AGO2: variants seen among roughly 807,000 people sequenced by gnomAD.
The protein encoded by AGO2 is protein argonaute-2.
AGO2 carries 5 observed loss-of-function variants against 102.3 expected under a neutral mutation model. That is an observed-to-expected ratio of 0.05 (90% CI 0.03 to 0.10). AGO2 has a LOEUF of 0.10. Ranked by LOEUF, AGO2 falls within the 10% of genes least tolerant of loss-of-function variation. The pLI, the probability that AGO2 is intolerant of heterozygous loss-of-function variation, is 1.00. For synonymous variants in AGO2, 449 were observed against 473.1 expected (o/e 0.95, Z 0.66); for missense variants, 541 against 1,183.7 (o/e 0.46, Z 7.97).
At chr8:140,613,424 T>C (rs1030944284) in intron 1 of AGO2, among the ~76,000 whole-genome samples, 1 of 152,244 alleles carries the variant, frequency 6.6e-6, no homozygotes, top group Non-Finnish European at 1.5e-5. Flanking sequence ...GTATCAAATG[T>C]TTTTTAAACT....
rs1409885719 is a variant in AGO2, at chr8:140,544,278, T to C, written c.1774A>G (p.Ile592Val). Residue 592 changes from isoleucine to valine, a missense_variant, in exon 14 of 19, where the codon ATC becomes GTC. By Grantham distance (29) the Ile-to-Val change is conservative. Transcript: ENST00000220592. ...TGAGTGACGTCTGCTCCCAGAAAGA[T>C]GACGGGCTGCTGGAACACCGGCGGC... The part of the protein sequence containing the change: ...GRPPVFQQPV[I>V]FLGADVTHPP... 1 of 1,603,658 alleles carries C rather than the reference T, an allele frequency of 6.2e-7. No individual in the cohort carries two copies.
At chr8:140,571,723 T>C (rs888429875) in intron 3 of AGO2, among the ~76,000 whole-genome samples, 1 of 152,220 alleles carries the variant, frequency 6.6e-6, no homozygotes, top group East Asian at 1.9e-4. Flanking sequence ...CTGATGTGTT[T>C]GCTTCTTAAA....
chr8:140,616,316 G>A (rs2074142237), intron 1 of AGO2, among the ~76,000 whole-genome samples: 1 of 152,188 alleles, frequency 6.6e-6, no homozygotes, highest in South Asian at 2.1e-4. Context: ...AGCCATTATC[G>A]CAACAGCGAG....
At chr8:140,598,902 C>T (rs534140511) in intron 1 of AGO2, among the ~76,000 whole-genome samples, 306 of 152,334 alleles carry the variant, frequency 2.0e-3, no homozygotes, top group Non-Finnish European at 3.6e-3. Context: ...CCTCCCCATG[C>T]GTTTTCCTGC....
At chr8:140,571,750 T>C (rs1037494024) in intron 3 of AGO2, among the ~76,000 whole-genome samples, 1 of 152,204 alleles carries the variant, frequency 6.6e-6, no homozygotes, top group Non-Finnish European at 1.5e-5. Flanking sequence ...GTAAAGATTA[T>C]TTTTTATTTT....
chr8:140,638,456 GTCCCAAACCCATT>G (rs1323896525), upstream of AGO2, among the ~76,000 whole-genome samples: 9 of 152,240 alleles, frequency 5.9e-5, no homozygotes, highest in Non-Finnish European at 8.8e-5. Flanking sequence ...TATGCAACCT[GTCCCAAACCCATT>G]TAGCCACAGA....
rs527895915 is a variant in AGO2, at chr8:140,539,966, C to T, written c.2035-512G>A. 3.3e-5 allele frequency among the ~76,000 whole-genome samples: 5 copies of T among 152,150 alleles called. No homozygotes were observed. The highest frequency in any genetic ancestry group is 2.0e-4 in the Admixed American group (3 of 15,280). On this transcript the variant is annotated intron_variant, in intron 15 of 18. Coordinates refer to ENST00000220592, the MANE Select transcript of AGO2 (RefSeq NM_012154.5). The surrounding 1 kb of genome is among the most constrained non-coding windows in gnomAD (Gnocchi z 4.7). ...ACTGGGCGTGGTGGTGGGCACCTGTCGTAATCCCAGCTACTCCGGAGGCAG... is the reference window on the plus strand; with the variant it reads ...ACTGGGCGTGGTGGTGGGCACCTGTTGTAATCCCAGCTACTCCGGAGGCAG...
chr8:140,618,278 C>A (rs1403201952), intron 1 of AGO2, among the ~76,000 whole-genome samples: 1 of 151,750 alleles, frequency 6.6e-6, no homozygotes, highest in Non-Finnish European at 1.5e-5. Context: ...CGAGATCGTG[C>A]CACTGCACTC....
At chr8:140,619,819 G>T (rs1177366160) in intron 1 of AGO2, among the ~76,000 whole-genome samples, 1 of 152,214 alleles carries the variant, frequency 6.6e-6, no homozygotes, top group Non-Finnish European at 1.5e-5. Context: ...AGCAATGGGG[G>T]AGGCGAGAAA....
intron 1 of AGO2, among the ~76,000 whole-genome samples, chr8:140,624,114 AACAG>A (rs1478614111): frequency 6.6e-6 from 1 of 152,024 alleles, no homozygotes; most frequent in Non-Finnish European, 1.5e-5. Context: ...GCTTGTCCAT[AACAG>A]ACACTCACAC....
chr8:140,530,606 G>A lies in AGO2; in HGVS notation c.*1438C>T, dbSNP rs2072576039. 2.0e-5 allele frequency: 3 copies of A among 152,298 alleles called. No individual in the cohort carries two copies. The highest frequency in any genetic ancestry group is 6.5e-5 in the Admixed American group (1 of 15,288). The allele number at this position is 152,298 out of a possible 1,614,324, so 9.4% of individuals were successfully genotyped here. A position where few individuals can be genotyped will look rare whatever the true frequency, so the allele number is the denominator to read the frequency against. The stretch of plus-strand genomic sequence containing the variant: ...GTCACTCTTAGTGCAACAGTTTCTA[G>A]ATTGGCAAACCCAAGTCTGGGGCCC... On this transcript the variant is annotated 3_prime_UTR_variant, in exon 19 of 19. Transcript: ENST00000220592.
chr8:140,627,080 A>G (rs1588518235), intron 1 of AGO2, among the ~76,000 whole-genome samples: 2 of 152,320 alleles, frequency 1.3e-5, no homozygotes, highest in South Asian at 4.1e-4. Flanking sequence ...ACCCCAAAGC[A>G]GGGGCTAAAG....
In AGO2 at chr8:140,539,340, A is replaced by C; in HGVS notation, c.2149T>G (p.Cys717Gly). The C allele has an allele frequency of 6.2e-7, 1 of 1,612,716 alleles. No individual in the cohort carries two copies. The highest frequency in any genetic ancestry group is 8.5e-7 in the Non-Finnish European group (1 of 1,179,268). ...CTCACCCGCTCGTTCTTGTCAGTGC[A>C]GAAGAGCCGGGTGTGGTGCCTCTTC... ...VQKRHHTRLF[C>G]TDKNERVGKS... The change falls in exon 16 of 19, where the codon TGC (cysteine) becomes GGC (glycine). Residue 717 changes from cysteine (C) to glycine (G), a missense_variant. Transcript: ENST00000220592. This position sits in a 1 kb window ranked among gnomAD's most constrained non-coding sequence, Gnocchi z 4.7.
intron 2 of AGO2, among the ~76,000 whole-genome samples, chr8:140,573,925 T>A (rs1464418023): frequency 6.6e-6 from 1 of 152,204 alleles, no homozygotes; most frequent in Non-Finnish European, 1.5e-5. Context: ...TCCCGGGTGC[T>A]GCTACCCCTC....
chr8:140,559,262 T>A, intron 6 of AGO2, 133 bp downstream of exon 6: 5 of 1,144,672 alleles, frequency 4.4e-6, no homozygotes, highest in Middle Eastern at 2.9e-4. Context: ...TGCTACCTCA[T>A]CTGATGGCTA....
rs2072605897 is a variant in AGO2, at chr8:140,532,028, TA to T, written c.*15del. ...TGAATCCCACTCGGTACACAATCGC[TA>T]AACACTAAAACATGTCAAGCAAAGT... is the stretch of plus-strand genomic sequence containing the variant. On this transcript the variant is annotated 3_prime_UTR_variant, in exon 19 of 19. Transcript: ENST00000220592. The T allele has an allele frequency of 6.2e-7, 1 of 1,612,420 alleles. No individual in the cohort carries two copies. The highest frequency in any genetic ancestry group is 8.5e-7 in the Non-Finnish European group (1 of 1,178,608).
chr8:140,541,502 G>A (rs1167591662), intron 14 of AGO2, 144 bp from the exon 15 acceptor site: 1 of 748,374 alleles, frequency 1.3e-6, no homozygotes, highest in African/African-American at 1.8e-5. Flanking sequence ...GGCTGGCTGG[G>A]TGTGAACTCA....
chr8:140,614,389 A>G (rs2074116817), intron 1 of AGO2, among the ~76,000 whole-genome samples: 1 of 152,246 alleles, frequency 6.6e-6, no homozygotes, highest in African/African-American at 2.4e-5. Flanking sequence ...GTGTCCTAAG[A>G]AAAACACATT....
At chr8:140,605,546 C>A (rs372301065) in intron 1 of AGO2, among the ~76,000 whole-genome samples, 1 of 152,190 alleles carries the variant, frequency 6.6e-6, no homozygotes, top group Non-Finnish European at 1.5e-5. Flanking sequence ...CCAGGTGTGT[C>A]TGAGGCTGCG....
Sources: allele counts gnomAD v4.1 joint callset (sites outside exome capture counted in the v4.1 genomes callset), GRCh38; gene constraint gnomAD v4.1.1; non-coding constraint Gnocchi (gnomAD v3.1); transcripts MANE v1.5; gene names NCBI Gene and HGNC (gene_info 2026-07-23, HGNC 2026-07-21).